Variants in MKLN1 observed in about 807,000 individuals in gnomAD.
The protein encoded by MKLN1 is muskelin.
In MKLN1, 18 loss-of-function variants were observed where a neutral mutation model predicts 99.0. The ratio of observed to expected loss-of-function variants is 0.18; its 90% confidence interval spans 0.13 to 0.27. The LOEUF is 0.27. MKLN1 is among the 10% of genes least tolerant of loss of function. MKLN1 has a pLI of 1.00. For synonymous variants in MKLN1, 288 were observed against 293.2 expected (o/e 0.98, Z 0.18); for missense variants, 621 against 875.9 (o/e 0.71, Z 3.67).
At chr7:131,298,714 T>C (rs1176254793) in intron 3 of MKLN1, among the ~76,000 whole-genome samples, 3 of 152,216 alleles carry the variant, frequency 2.0e-5, no homozygotes, top group Non-Finnish European at 4.4e-5. Flanking sequence ...TCCACTCTAC[T>C]CTTGTACCTA....
chr7:131,288,535 G>A (rs1798166452), intron 3 of MKLN1, among the ~76,000 whole-genome samples: 1 of 151,738 alleles, frequency 6.6e-6, no homozygotes, highest in African/African-American at 2.4e-5. Flanking sequence ...TTAATTTTCA[G>A]AACGGAGAGA....
chr7:131,265,046 G>A (rs1253411954), intron 3 of MKLN1, among the ~76,000 whole-genome samples: 2 of 152,108 alleles, frequency 1.3e-5, no homozygotes, highest in African/African-American at 4.8e-5. Context: ...TCACCATGTG[G>A]CCAGGCTGGC....
chr7:131,464,733 C>T (rs1052015682), intron 14 of MKLN1, among the ~76,000 whole-genome samples: 6 of 152,142 alleles, frequency 3.9e-5, no homozygotes, highest in Admixed American at 3.9e-4. Context: ...CAGTTGTCAG[C>T]ATTTAGGTAC....
At chr7:131,359,108 G>C (rs1274931443) in intron 1 of MKLN1, among the ~76,000 whole-genome samples, 1 of 152,080 alleles carries the variant, frequency 6.6e-6, no homozygotes, top group East Asian at 1.9e-4. Context: ...GGAAGCTTAA[G>C]TGATTGACTT....
In MKLN1 at chr7:131,315,463, C is replaced by G. The variant is rs28812277; in HGVS notation, c.-178-59961C>G. 2.4e-3 allele frequency among the ~76,000 whole-genome samples: 362 copies of G among 152,294 alleles called. 1 individual carries two copies. Among genetic ancestry groups the G allele is most frequent in the African/African-American group, 8.1e-3 (336 of 41,570 alleles). On this transcript the variant is annotated intron_variant, in intron 3 of 7. Transcript: ENST00000416992. ...CCACCAGGGCCCTGGGTTTCAAGCA[C>G]AAAACCAGGAGGCTGTTTGGGCAGG...
intron 2 of MKLN1, among the ~76,000 whole-genome samples, chr7:131,143,594 G>A (rs1335799332): frequency 1.3e-5 from 2 of 152,208 alleles, no homozygotes; most frequent in Non-Finnish European, 2.9e-5. Context: ...GGAAGGCCAA[G>A]GCAGAAGGAT....
At chr7:131,115,191 T>C (rs1224758730) in intron 1 of MKLN1, among the ~76,000 whole-genome samples, 4 of 152,176 alleles carry the variant, frequency 2.6e-5, no homozygotes, top group Non-Finnish European at 5.9e-5. Flanking sequence ...AGCTTAAGGC[T>C]GCACAAGGAA....
chr7:131,174,058 T>C (rs963220568), intron 2 of MKLN1, among the ~76,000 whole-genome samples: 2 of 149,702 alleles, frequency 1.3e-5, no homozygotes, highest in African/African-American at 4.9e-5. Context: ...CTGCAAGCTC[T>C]GCCTCCCGGG....
At chr7:131,165,805 C>T (rs376389249) in intron 2 of MKLN1, among the ~76,000 whole-genome samples, 18 of 152,070 alleles carry the variant, frequency 1.2e-4, no homozygotes, top group South Asian at 4.2e-4. Context: ...GGTAGAAGGC[C>T]GGGAGATGAG....
At chr7:131,455,164 C>G (rs533021594) in intron 12 of MKLN1, among the ~76,000 whole-genome samples, 2 of 152,202 alleles carry the variant, frequency 1.3e-5, no homozygotes, top group South Asian at 4.1e-4. Context: ...GACCGTGAAG[C>G]AAAAATAGAG....
chr7:131,443,352 G>A, intron 10 of MKLN1, 129 bp from the exon 11 acceptor site: 1 of 636,846 alleles, frequency 1.6e-6, no homozygotes, highest in Non-Finnish European at 2.8e-6. Flanking sequence ...ATCAGGGGTG[G>A]TATTTAGTGT....
chr7:131,309,217 G>A (rs879488663), intron 3 of MKLN1, among the ~76,000 whole-genome samples: 1 of 152,162 alleles, frequency 6.6e-6, no homozygotes, highest in African/African-American at 2.4e-5. Context: ...ACTACTAGGA[G>A]CCTCCTGCAG....
At chr7:131,365,972 A>AT (rs1251593969) in intron 1 of MKLN1, among the ~76,000 whole-genome samples, 2 of 152,224 alleles carry the variant, frequency 1.3e-5, no homozygotes, top group Non-Finnish European at 2.9e-5. Flanking sequence ...GAGCAAGAGT[A>AT]TACATGATAC....
At chr7:131,143,600 A>T (rs1379031134) in intron 2 of MKLN1, among the ~76,000 whole-genome samples, 1 of 152,228 alleles carries the variant, frequency 6.6e-6, no homozygotes, top group Non-Finnish European at 1.5e-5. Context: ...CCAAGGCAGA[A>T]GGATTGCTTG....
chr7:131,349,922 A>T (rs777401074), intron 1 of MKLN1, among the ~76,000 whole-genome samples: 1 of 152,102 alleles, frequency 6.6e-6, no homozygotes, highest in African/African-American at 2.4e-5. Flanking sequence ...TGTTGTAGGT[A>T]TGTGTTCCCA....
chr7:131,453,515 T>C (rs1419258085), intron 12 of MKLN1, among the ~76,000 whole-genome samples: 1 of 152,152 alleles, frequency 6.6e-6, no homozygotes, highest in African/African-American at 2.4e-5. Context: ...ACGGCAAGAC[T>C]CTTTCTCTTT....
chr7:131,400,518 A>AAAAATATATATATAT (rs527702723), intron 6 of MKLN1, among the ~76,000 whole-genome samples: 65 of 137,424 alleles, frequency 4.7e-4, no homozygotes, highest in African/African-American at 1.8e-3. Flanking sequence ...ATAAAAAAAA[A>AAAAATATATATATAT]ATATATATAT....
intron 1 of MKLN1, among the ~76,000 whole-genome samples, chr7:131,128,044 A>G (rs1795489891): frequency 6.6e-6 from 1 of 152,142 alleles, no homozygotes; most frequent in Non-Finnish European, 1.5e-5. Flanking sequence ...GGTCTGTGGA[A>G]CTCATGTTGA....
At chr7:131,225,769 C>T (rs1797137846) in intron 3 of MKLN1, among the ~76,000 whole-genome samples, 3 of 152,208 alleles carry the variant, frequency 2.0e-5, no homozygotes, top group Non-Finnish European at 4.4e-5. Flanking sequence ...GAAAAGGAGG[C>T]TTGGCCTTCG....
Sources: gnomAD v4.1 joint callset for allele counts (sites outside exome capture counted in the v4.1 genomes callset) on GRCh38, gnomAD v4.1.1 for gene constraint, MANE v1.5 for transcripts, NCBI Gene and HGNC (gene_info 2026-07-23, HGNC 2026-07-21) for gene names.